The following DLC1 variants were observed in gnomAD, a reference collection of about 807,000 sequenced individuals.
DLC1 encodes the protein rho GTPase-activating protein 7.
A neutral mutation model predicts 140.3 loss-of-function variants in DLC1; 54 were observed. The observed-to-expected ratio is 0.38, with a 90% confidence interval of 0.31 to 0.48. The LOEUF is 0.48. Among genes scored for constraint, DLC1 ranks in the 20% least tolerant of loss-of-function variants. DLC1 has a pLI of 0.96. For synonymous variants in DLC1, 986 were observed against 728.1 expected (o/e 1.35, Z -5.70); for missense variants, 2,536 against 1,907.0 (o/e 1.33, Z -6.14).
At position 13,305,275 on chromosome 8, in the gene DLC1, T is replaced by G; in HGVS notation, c.1342A>C (p.Lys448Gln). 6.2e-7 allele frequency: 1 copy of G among 1,608,626 alleles called. No individual in the cohort carries two copies. The highest frequency in any genetic ancestry group is 8.5e-7 in the Non-Finnish European group (1 of 1,177,500). Residue 448 changes from lysine to glutamine, a missense_variant, in exon 5 of 18, where the codon AAG (lysine) becomes CAG (glutamine). Physicochemically the swap from Lys to Gln is moderately conservative, Grantham distance 53. Transcript: ENST00000276297. ...TAIQGISEKE[K>Q]AEIEAKEACD... ...AACCAAAATGTCAACTTACCAGCCT[T>G]TTCCTTCTCTGAAATACCTTGAATA...
chr8:13,238,350 A>G (rs1297443109), intron 5 of DLC1, among the ~76,000 whole-genome samples: 2 of 152,076 alleles, frequency 1.3e-5, no homozygotes, highest in Non-Finnish European at 2.9e-5. Flanking sequence ...CGTCTCTACA[A>G]ATAAACACAA....
chr8:13,436,537 G>T (rs1839130227), intron 2 of DLC1, among the ~76,000 whole-genome samples: 1 of 151,994 alleles, frequency 6.6e-6, no homozygotes, highest in Admixed American at 6.6e-5. Context: ...AAATGTCATT[G>T]TCCGGACAAT....
At chr8:13,576,175 T>G (rs1287557422) in intron 1 of DLC1, among the ~76,000 whole-genome samples, 1 of 152,190 alleles carries the variant, frequency 6.6e-6, no homozygotes, top group Non-Finnish European at 1.5e-5. Context: ...ACATCATGTA[T>G]AGTTTTAATA....
intron 4 of DLC1, among the ~76,000 whole-genome samples, chr8:13,348,863 A>AGGCTG (rs1389865005): frequency 6.6e-6 from 1 of 152,176 alleles, no homozygotes; most frequent in Non-Finnish European, 1.5e-5. Context: ...TGTATTCTCA[A>AGGCTG]CCTTCTTGAG....
intron 4 of DLC1, among the ~76,000 whole-genome samples, chr8:13,336,321 C>T (rs1833809113): frequency 6.6e-6 from 1 of 152,046 alleles, no homozygotes; most frequent in African/African-American, 2.4e-5. Context: ...GGTAGAATTA[C>T]AGTGGTAGAA....
At chr8:13,124,354 AC>A (rs1456061511) in intron 5 of DLC1, among the ~76,000 whole-genome samples, 2 of 152,284 alleles carry the variant, frequency 1.3e-5, no homozygotes, top group African/African-American at 4.8e-5. Flanking sequence ...GGTGTAAAGG[AC>A]CCTGAATGAA....
At position 13,572,092 on chromosome 8, in the gene DLC1, T is replaced by TTA. The variant is rs1298941421; in HGVS notation, c.-126+32444_-126+32445insTA. ...AGTTTCAGGATTATTATTATTATTA[T>TTA]TTATTTTTTTTTTTTGAGATGGAGT... On this transcript the variant is annotated intron_variant, in intron 1 of 1. Coordinates refer to the DLC1 transcript ENST00000631382. 5.4e-3 allele frequency among the ~76,000 whole-genome samples: 43 copies of TTA among 7,962 alleles called. No homozygotes were observed. The South Asian group carries it at 0.13, about 25-fold the overall frequency. 5.2% of individuals were successfully genotyped at this position (7,962 alleles called of 152,430 possible).
At chr8:13,266,325 C>G (rs1165988582) in intron 5 of DLC1, among the ~76,000 whole-genome samples, 1 of 152,170 alleles carries the variant, frequency 6.6e-6, no homozygotes, top group African/African-American at 2.4e-5. Context: ...GTACTCATGG[C>G]TCTGGGCATG....
rs57588847 is a variant in DLC1 at position 13,292,658 on chromosome 8, C to G, written c.1348+12611G>C. Among the ~76,000 whole-genome samples the G allele has an allele frequency of 3.2e-4, 48 of 152,182 alleles. No individual in the cohort carries two copies. The East Asian group carries it at 7.7e-3, about 25-fold the overall frequency. ...TAAAAAAAAACACAGACATGCTCCCCACGTCCTACGTACAAGTGTATTTTT... is the reference window on the plus strand; with the variant it reads ...TAAAAAAAAACACAGACATGCTCCCGACGTCCTACGTACAAGTGTATTTTT... On this transcript the variant is annotated intron_variant, in intron 5 of 17. Coordinates refer to ENST00000276297, the MANE Select transcript of DLC1 (RefSeq NM_182643.3).
At chr8:13,237,895 GAAAGAAAGA>G (rs1829363365) in intron 5 of DLC1, among the ~76,000 whole-genome samples, 1 of 150,222 alleles carries the variant, frequency 6.7e-6, no homozygotes, top group African/African-American at 2.5e-5. Flanking sequence ...TATATTGAAA[GAAAGAAAGA>G]AAAGAAAGAA....
At chr8:13,241,951 G>A (rs1024829577) in intron 5 of DLC1, among the ~76,000 whole-genome samples, 1 of 152,092 alleles carries the variant, frequency 6.6e-6, no homozygotes, top group Non-Finnish European at 1.5e-5. Flanking sequence ...AGCTTGGATG[G>A]AAGCTTTCTT....
At chr8:13,317,147 C>T (rs1346144180) in intron 4 of DLC1, among the ~76,000 whole-genome samples, 1 of 152,144 alleles carries the variant, frequency 6.6e-6, no homozygotes, top group Non-Finnish European at 1.5e-5. Context: ...CAGTTTGTAG[C>T]ACTGACATAT....
At chr8:13,439,151 C>G (rs899808678) in intron 2 of DLC1, among the ~76,000 whole-genome samples, 13 of 152,184 alleles carry the variant, frequency 8.5e-5, no homozygotes, top group African/African-American at 3.1e-4. Context: ...ATGGTGAATT[C>G]CGTCTCTACT....
intron 4 of DLC1, among the ~76,000 whole-genome samples, chr8:13,360,485 A>G (rs1275022065): frequency 1.3e-5 from 2 of 152,174 alleles, no homozygotes; most frequent in African/African-American, 4.8e-5. Context: ...CTGCACATTG[A>G]CATCACCTGG....
At chr8:13,462,859 T>C (rs1799736335) in intron 2 of DLC1, among the ~76,000 whole-genome samples, 2 of 152,146 alleles carry the variant, frequency 1.3e-5, no homozygotes, top group Non-Finnish European at 1.5e-5. Context: ...CAGCAGTGTT[T>C]AAAAAAGAAC....
chr8:13,567,220 A>G lies in DLC1; in HGVS notation c.-126+37317T>C, dbSNP rs1451804186. On this transcript the variant is annotated intron_variant, in intron 1 of 1. Coordinates refer to the DLC1 transcript ENST00000631382. The stretch of plus-strand genomic sequence containing the variant: ...CACACAATCTGAGCTTTTGGACTAT[A>G]AAAATTATGAAAAGAAGTTGAGTAA... The G allele has an allele frequency of 2.1e-5, 33 of 1,551,592 alleles. No individual in the cohort carries two copies. The East Asian group carries it at 7.3e-4, about 34-fold the overall frequency.
chr8:13,128,017 A>G (rs1417812788), intron 5 of DLC1, among the ~76,000 whole-genome samples: 2 of 152,042 alleles, frequency 1.3e-5, no homozygotes, highest in Non-Finnish European at 2.9e-5. Flanking sequence ...CACACTTTTC[A>G]CGAGGAAAGT....
chr8:13,154,683 G>A (rs1426153440), intron 5 of DLC1, among the ~76,000 whole-genome samples: 3 of 152,224 alleles, frequency 2.0e-5, no homozygotes, highest in Middle Eastern at 3.2e-3. Flanking sequence ...GTCAAGCGGG[G>A]CCAGAGTGGA....
At chr8:13,345,547 C>CTTTTATTTTTTTT (rs1834290873) in intron 4 of DLC1, among the ~76,000 whole-genome samples, 1 of 67,520 alleles carries the variant, frequency 1.5e-5, no homozygotes, top group Non-Finnish European at 2.6e-5. Flanking sequence ...TTCACTCACA[C>CTTTTATTTTTTTT]TTTTTTTTTT....
Sources: allele counts gnomAD v4.1 joint callset (sites outside exome capture counted in the v4.1 genomes callset), GRCh38; gene constraint gnomAD v4.1.1; transcripts MANE v1.5; gene names NCBI Gene and HGNC (gene_info 2026-07-23, HGNC 2026-07-21).